Variants in PRKCE observed in about 807,000 individuals in gnomAD.
PRKCE encodes the protein protein kinase C epsilon type.
In PRKCE, 16 loss-of-function variants were observed where a neutral mutation model predicts 85.4. That is an observed-to-expected ratio of 0.19 (90% confidence interval 0.13 to 0.28). The LOEUF is 0.28. Among genes scored for constraint, PRKCE ranks in the 10% least tolerant of loss-of-function variants. PRKCE has a pLI of 1.00. For missense variants in PRKCE, 573 were observed against 975.2 expected, an observed-to-expected ratio of 0.59 and a Z score of 5.49; for synonymous variants, 388 against 371.5, an observed-to-expected ratio of 1.04 and a Z score of -0.51.
In PRKCE at chr2:45,907,932, C is replaced by T. The variant is rs1027801591; in HGVS notation, c.412+64869C>T. On this transcript the variant is annotated intron_variant, in intron 2 of 14. Transcript: ENST00000306156. This position sits in a 1 kb window ranked among gnomAD's most constrained non-coding sequence, Gnocchi z 4.5. ...CCAGAATGATCTCCCATGCCCCTCC[C>T]AGTTTTCACCTTCTAGGATTCTGTC... Among the ~76,000 whole-genome samples, 1 of 152,240 alleles carries T rather than the reference C, an allele frequency of 6.6e-6. No individual in the cohort carries two copies. The highest frequency in any genetic ancestry group is 1.9e-4 in the East Asian group (1 of 5,206).
chr2:45,882,775 G>A (rs542950404), intron 2 of PRKCE, among the ~76,000 whole-genome samples: 2 of 152,356 alleles, frequency 1.3e-5, no homozygotes, highest in Non-Finnish European at 2.9e-5. Flanking sequence ...TTGCCCCTTT[G>A]GGCCTGCACT....
chr2:46,081,875 C>G (rs1310291412), intron 10 of PRKCE, among the ~76,000 whole-genome samples: 1 of 152,128 alleles, frequency 6.6e-6, no homozygotes, highest in Non-Finnish European at 1.5e-5. Context: ...GTGAGTGGAT[C>G]ACTTGAAGTC....
At chr2:46,144,634 T>C (rs1675889348) in intron 11 of PRKCE, among the ~76,000 whole-genome samples, 1 of 152,214 alleles carries the variant, frequency 6.6e-6, no homozygotes, top group Non-Finnish European at 1.5e-5. Flanking sequence ...GCTCTCATAG[T>C]GTTCTATAAA....
In PRKCE at chr2:45,751,809, A is replaced by ATTTTTTT. The variant is rs34589907; in HGVS notation, c.349-91171_349-91165dup. Among the ~76,000 whole-genome samples, 62 of 78,524 alleles carry ATTTTTTT rather than the reference A, an allele frequency of 7.9e-4. 12 individuals carry two copies. The highest frequency in any genetic ancestry group is 2.7e-3 in the African/African-American group (48 of 17,708). 51.5% of individuals were successfully genotyped at this position (78,524 alleles called of 152,430 possible). A position where few individuals can be genotyped will look rare whatever the true frequency, so the allele number is the denominator to read the frequency against. ...ACTCCAGCCTCCAAAGCTAACCACT[A>ATTTTTTT]TTTTTTTTTTTTTTTTTTTTTTTTT... On this transcript the variant is annotated intron_variant, in intron 1 of 14. Coordinates refer to ENST00000306156, the MANE Select transcript of PRKCE (RefSeq NM_005400.3).
intron 10 of PRKCE, among the ~76,000 whole-genome samples, chr2:46,077,344 A>G (rs1202823093): frequency 6.6e-6 from 1 of 152,224 alleles, no homozygotes; most frequent in Non-Finnish European, 1.5e-5. Context: ...AAATATGTAC[A>G]GCTTTCTGTA....
At chr2:45,898,029 C>A (rs555866950) in intron 2 of PRKCE, among the ~76,000 whole-genome samples, 1 of 152,128 alleles carries the variant, frequency 6.6e-6, no homozygotes, top group Non-Finnish European at 1.5e-5. Context: ...TCAATAAGGA[C>A]GCAGTTGGGC....
At chr2:45,707,382 C>T (rs940694967) in intron 1 of PRKCE, among the ~76,000 whole-genome samples, 5 of 152,210 alleles carry the variant, frequency 3.3e-5, no homozygotes, top group African/African-American at 9.7e-5. Context: ...GATAATAACA[C>T]CTTATATTCC....
chr2:46,130,198 CAAAT>C (rs1039552887), intron 11 of PRKCE, among the ~76,000 whole-genome samples: 32 of 151,936 alleles, frequency 2.1e-4, no homozygotes, highest in African/African-American at 5.8e-4. Flanking sequence ...TGGAAAGAGA[CAAAT>C]AACACAAAGT....
intron 1 of PRKCE, among the ~76,000 whole-genome samples, chr2:45,826,390 G>A (rs1312838666): frequency 2.0e-5 from 3 of 152,174 alleles, no homozygotes; most frequent in Non-Finnish European, 2.9e-5. Context: ...TATCACAAAT[G>A]TACAAATATT....
intron 6 of PRKCE, among the ~76,000 whole-genome samples, chr2:45,993,004 G>A (rs759681109): frequency 2.8e-4 from 43 of 152,140 alleles, no homozygotes; most frequent in Non-Finnish European, 5.4e-4. Flanking sequence ...ATTTCTTCCC[G>A]GTACAACTTT....
rs1005152682 is a variant in PRKCE at position 46,017,510 on chromosome 2, A to G, written c.1437+6993A>G. On this transcript the variant is annotated intron_variant, in intron 10 of 14. Coordinates refer to ENST00000306156, the MANE Select transcript of PRKCE (RefSeq NM_005400.3). ...TACTATGAATAATGCTGCTGTGAAC[A>G]TGGTTGTCTGAATATTTCTTTGAGG... Among the ~76,000 whole-genome samples, 7 of 152,178 alleles carry G rather than the reference A, an allele frequency of 4.6e-5. No homozygotes were observed. The East Asian group carries it at 1.3e-3, about 29-fold the overall frequency.
intron 11 of PRKCE, among the ~76,000 whole-genome samples, chr2:46,112,667 G>A (rs1157917116): frequency 2.0e-5 from 3 of 151,810 alleles, no homozygotes; most frequent in Non-Finnish European, 2.9e-5. Flanking sequence ...TTACAGGCAC[G>A]TGCCACCATG....
chr2:45,995,420 T>C (rs969038178), intron 6 of PRKCE, among the ~76,000 whole-genome samples: 5 of 152,296 alleles, frequency 3.3e-5, no homozygotes, highest in Admixed American at 2.0e-4. Context: ...AAGAAAGTTA[T>C]CTGTGTAGCC....
rs57124859 is a variant in PRKCE, at chr2:46,036,547, G to A, written c.1437+26030G>A. Among the ~76,000 whole-genome samples, 706 of 152,214 alleles carry A rather than the reference G, an allele frequency of 4.6e-3. 3 individuals carry two copies. The highest frequency in any genetic ancestry group is 0.016 in the African/African-American group (675 of 41,518). On this transcript the variant is annotated intron_variant, in intron 10 of 14. Transcript: ENST00000306156. ...GGGGACTGCAGTGAGCCATGATCGC[G>A]CCACTGCACTCCAGCCTGGGCTACA...
At chr2:45,747,089 TCA>T (rs1484720313) in intron 1 of PRKCE, among the ~76,000 whole-genome samples, 2 of 152,234 alleles carry the variant, frequency 1.3e-5, no homozygotes, top group Non-Finnish European at 2.9e-5. Context: ...TCTCATTTTC[TCA>T]GAGATTATAA....
chr2:45,796,770 CAGGTCACG>C (rs1478047452), intron 1 of PRKCE, among the ~76,000 whole-genome samples: 2 of 152,166 alleles, frequency 1.3e-5, no homozygotes, highest in African/African-American at 2.4e-5. Flanking sequence ...AAAGACTTCA[CAGGTCACG>C]AGGTTTTACT....
intron 11 of PRKCE, among the ~76,000 whole-genome samples, chr2:46,096,645 C>T (rs66922609): frequency 0.14 from 21,577 of 152,136 alleles, 1,637 homozygotes; most frequent in Middle Eastern, 0.23. Context: ...GAAACCAACC[C>T]TGCCAGCACC....
intron 2 of PRKCE, among the ~76,000 whole-genome samples, chr2:45,943,465 C>T (rs544381391): frequency 2.0e-5 from 3 of 152,324 alleles, no homozygotes; most frequent in South Asian, 2.1e-4. Flanking sequence ...TGCCAGGGGG[C>T]GCTAACATTT....
In PRKCE at chr2:45,881,152, CAAAAAAAA is replaced by C. The variant is rs770824515; in HGVS notation, c.412+38101_412+38108del. 3.7e-3 allele frequency among the ~76,000 whole-genome samples: 340 copies of C among 91,446 alleles called. 2 individuals are homozygous for C. Among genetic ancestry groups the C allele is most frequent in the African/African-American group, 0.014 (334 of 24,366 alleles). The allele number at this position is 91,446 out of a possible 152,430, so 60.0% of individuals were successfully genotyped here. The stretch of plus-strand genomic sequence containing the variant: ...TGGGCGACAGAGCGAGACTCCGTCT[CAAAAAAAA>C]AAAAAAAAAAAGATTTCAGGGTGTA... On this transcript the variant is annotated intron_variant, in intron 2 of 14. Coordinates refer to ENST00000306156, the MANE Select transcript of PRKCE (RefSeq NM_005400.3).
Sources: allele counts gnomAD v4.1 joint callset (sites outside exome capture counted in the v4.1 genomes callset), GRCh38; gene constraint gnomAD v4.1.1; non-coding constraint Gnocchi (gnomAD v3.1); transcripts MANE v1.5; gene names NCBI Gene and HGNC (gene_info 2026-07-23, HGNC 2026-07-21).